The following MYH10 variants were observed in gnomAD, a reference collection of about 807,000 sequenced individuals.
MYH10 encodes the protein myosin heavy chain 10, also known as myosin-10.
MYH10 carries 55 observed loss-of-function variants against 257.8 expected under a neutral mutation model. That is an observed-to-expected ratio of 0.21 (90% CI 0.17 to 0.27). The LOEUF is 0.27. Among genes scored for constraint, MYH10 ranks in the 10% least tolerant of loss-of-function variants. The pLI is 1.00. For synonymous variants in MYH10, 854 were observed against 921.7 expected, an observed-to-expected ratio of 0.93 and a Z score of 1.33; for missense variants, 1,631 against 2,500.6, an observed-to-expected ratio of 0.65 and a Z score of 7.42.
intron 29 of MYH10, among the ~76,000 whole-genome samples, chr17:8,499,688 G>C (rs552531695): frequency 6.6e-6 from 1 of 152,202 alleles, no homozygotes; most frequent in Non-Finnish European, 1.5e-5. Flanking sequence ...AGGAGCAGAT[G>C]CAGATATTTA....
chr17:8,478,327 T>C lies in MYH10; in HGVS notation c.5706+11A>G, dbSNP rs113737301. 20 of 1,612,398 alleles carry C rather than the reference T, an allele frequency of 1.2e-5. No individual in the cohort carries two copies. In the African/African-American group the frequency reaches 1.6e-4, roughly 13 times the overall value. On this transcript the variant is annotated intron_variant, in intron 41 of 42. Coordinates refer to ENST00000360416, the MANE Select transcript of MYH10 (RefSeq NM_001256012.3). ...CTCACGCGCTTCCCAGGGAGGCACT[T>C]CCTCGCGTACCTGCTCTTTATACTG...
chr17:8,552,030 A>G lies in MYH10; in HGVS notation c.919+16T>C. ...ATTCCAGTGAATATAAAATAGTAAA[A>G]ACCTTTGTAACTTACACTTTAGGTG... On this transcript the variant is annotated intron_variant, in intron 9 of 42. Coordinates refer to ENST00000360416, the MANE Select transcript of MYH10 (RefSeq NM_001256012.3). This position sits in a 1 kb window ranked among gnomAD's most constrained non-coding sequence, Gnocchi z 4.8. 7.3e-7 allele frequency: 1 copy of G among 1,365,896 alleles called. No individual in the cohort carries two copies. Among genetic ancestry groups the G allele is most frequent in the Non-Finnish European group, 9.9e-7 (1 of 1,013,140 alleles). The allele number at this position is 1,365,896 out of a possible 1,614,324, so 84.6% of individuals were successfully genotyped here. A position where few individuals can be genotyped will look rare whatever the true frequency, so the allele number is the denominator to read the frequency against.
At chr17:8,530,198 T>C (rs1156694279) in intron 17 of MYH10, among the ~76,000 whole-genome samples, 1 of 152,170 alleles carries the variant, frequency 6.6e-6, no homozygotes, top group African/African-American at 2.4e-5. Flanking sequence ...AAATCCTCCT[T>C]GGAATTCCTC....
In MYH10 at chr17:8,492,517, G is replaced by A; in HGVS notation, c.4459-8C>T. The A allele has an allele frequency of 6.2e-7, 1 of 1,605,972 alleles. No homozygotes were observed. The highest frequency in any genetic ancestry group is 1.1e-5 in the South Asian group (1 of 90,706). ...CTTCTCTTCTGCTAACAGCTGTGCA[G>A]AAGGGGATGGGGGAATACGAAAAAC... On this transcript the variant is annotated splice_region_variant and splice_polypyrimidine_tract_variant and intron_variant, in intron 33 of 42. Transcript: ENST00000360416.
chr17:8,482,184 C>T (rs899068581), intron 37 of MYH10, among the ~76,000 whole-genome samples: 7 of 152,184 alleles, frequency 4.6e-5, no homozygotes, highest in African/African-American at 1.7e-4. Flanking sequence ...GCCCAAAGTC[C>T]CAAGGTTAGT....
intron 23 of MYH10, 55 bp downstream of exon 23, chr17:8,513,483 C>G (rs2081364541): frequency 5.6e-6 from 9 of 1,603,090 alleles, no homozygotes; most frequent in Non-Finnish European, 6.8e-6. Context: ...GCTACCAGTG[C>G]AAGATCTCAT....
In MYH10 at chr17:8,480,522, G is replaced by A. The variant is rs140849976; in HGVS notation, c.5268C>T (p.Ser1756=). Reference sequence around the variant, plus strand: ...GACGCCGCTTCTCATCCAGCAGCGCGGACCTGGCGGGGAGAGGAGGAGGGG... The same window carrying A: ...GACGCCGCTTCTCATCCAGCAGCGCAGACCTGGCGGGGAGAGGAGGAGGGG... The part of the protein sequence containing the change: ...DEITNSASGK[S]ALLDEKRRLE... Residue 1756 remains serine (S), a synonymous_variant, in exon 39 of 43, where the codon TCC becomes TCT. Transcript: ENST00000360416. The A allele has an allele frequency of 9.2e-4, 1,485 of 1,606,976 alleles. 18 individuals carry two copies. In the African/African-American group the frequency reaches 0.016, roughly 17 times the overall value.
intron 16 of MYH10, among the ~76,000 whole-genome samples, chr17:8,533,069 C>T (rs552450593): frequency 2.0e-5 from 3 of 152,154 alleles, no homozygotes; most frequent in Admixed American, 1.3e-4. Flanking sequence ...CAGGAAAAAC[C>T]CCATTTCCTC....
At chr17:8,549,833 C>A (rs2082563725) in intron 9 of MYH10, among the ~76,000 whole-genome samples, 1 of 150,976 alleles carries the variant, frequency 6.6e-6, no homozygotes, top group Non-Finnish European at 1.5e-5. Flanking sequence ...CCAGTGCCTG[C>A]GATTGAAAGC....
chr17:8,479,203 T>C lies in MYH10; in HGVS notation c.5598-757A>G, dbSNP rs187048878. ...TTGATAATTTACTAATTACCTATTG[T>C]GATGTAGAGGGCTTTGGCAGCTCAC... is the stretch of plus-strand genomic sequence containing the variant. On this transcript the variant is annotated intron_variant, in intron 40 of 42. Transcript: ENST00000360416. 8.5e-5 allele frequency among the ~76,000 whole-genome samples: 13 copies of C among 152,276 alleles called. No individual in the cohort carries two copies. The South Asian group carries it at 2.1e-3, about 24-fold the overall frequency.
intron 7 of MYH10, among the ~76,000 whole-genome samples, chr17:8,563,302 T>A (rs571638022): frequency 6.6e-6 from 1 of 152,196 alleles, no homozygotes; most frequent in African/African-American, 2.4e-5. Context: ...AGTGGCCTCA[T>A]TACTTAGTAT....
Position 8,480,510 on chromosome 17 carries a change from A to G in MYH10, c.5280T>C (p.Asp1760=), listed in dbSNP as rs1913542040. ...TCCGAGCTTCCAGACGCCGCTTCTC[A>G]TCCAGCAGCGCGGACCTGGCGGGGA... ...NSASGKSALL[D]EKRRLEARIA... The change falls in exon 39 of 43, where the codon GAT becomes GAC. Residue 1760 remains aspartate, a synonymous_variant. Transcript: ENST00000360416. 2 of 1,609,136 alleles carry G rather than the reference A, an allele frequency of 1.2e-6. No homozygotes were observed. The highest frequency in any genetic ancestry group is 1.7e-6 in the Non-Finnish European group (2 of 1,179,818).
chr17:8,532,015 C>CT (rs1175886568), intron 16 of MYH10, among the ~76,000 whole-genome samples: 2 of 152,296 alleles, frequency 1.3e-5, no homozygotes, highest in African/African-American at 4.8e-5. Context: ...CATGGTACTG[C>CT]TTCTCTGCCT....
intron 25 of MYH10, among the ~76,000 whole-genome samples, chr17:8,509,156 T>A (rs569406655): frequency 6.6e-6 from 1 of 152,340 alleles, no homozygotes; most frequent in East Asian, 1.9e-4. Flanking sequence ...TTTTCTATCA[T>A]ATTTTTACTG....
chr17:8,597,808 C>CG (rs1567960633), intron 3 of MYH10, among the ~76,000 whole-genome samples: 2 of 150,618 alleles, frequency 1.3e-5, no homozygotes, highest in Non-Finnish European at 2.9e-5. Flanking sequence ...TTAGTAGAGA[C>CG]GGGGTTTCAC....
rs1159770801 is a variant in MYH10 at position 8,569,028 on chromosome 17, T to C, written c.756+692A>G. 1.3e-5 allele frequency among the ~76,000 whole-genome samples: 2 copies of C among 149,726 alleles called. No homozygotes were observed. The highest frequency in any genetic ancestry group is 4.3e-4 in the South Asian group (2 of 4,694). ...CAGCCTCCCAAAGTACTGGACAACA[T>C]AGTGAGACCCTAGTCTCTAAAAAAA... On this transcript the variant is annotated intron_variant, in intron 7 of 42. Transcript: ENST00000360416. The surrounding 1 kb of genome is among the most constrained non-coding windows in gnomAD (Gnocchi z 4.1).
At chr17:8,563,261 T>A (rs1373174997) in intron 7 of MYH10, among the ~76,000 whole-genome samples, 1 of 152,236 alleles carries the variant, frequency 6.6e-6, no homozygotes, top group Non-Finnish European at 1.5e-5. Context: ...AGAAGCTTTG[T>A]TGTTAGTAAA....
intron 2 of MYH10, among the ~76,000 whole-genome samples, chr17:8,607,393 T>C (rs1393568088): frequency 1.3e-5 from 2 of 152,226 alleles, no homozygotes; most frequent in African/African-American, 4.8e-5. Flanking sequence ...CATTAGGTAC[T>C]TACCTGAGGA....
chr17:8,577,325 C>A lies in MYH10; in HGVS notation c.544G>T (p.Ala182Ser), dbSNP rs1482799004. 6.2e-7 allele frequency: 1 copy of A among 1,608,602 alleles called. No individual in the cohort carries two copies. Among genetic ancestry groups the A allele is most frequent in the South Asian group, 1.1e-5 (1 of 90,150 alleles). ...QSILCTGESG[A>S]GKTENTKKVI... ...TTCTTTGTATTTTCTGTCTTCCCAG[C>A]ACCTGACTCACCCCTGAAAGAAAGA... The change falls in exon 5 of 43, where the codon GCT becomes TCT. Residue 182 changes from alanine to serine, a missense_variant. Physicochemically the swap from Ala to Ser is moderately conservative, Grantham distance 99. Coordinates refer to ENST00000360416, the MANE Select transcript of MYH10 (RefSeq NM_001256012.3).
Sources: gnomAD v4.1 joint callset for allele counts (sites outside exome capture counted in the v4.1 genomes callset) on GRCh38, gnomAD v4.1.1 for gene constraint, Gnocchi (gnomAD v3.1) non-coding constraint, MANE v1.5 for transcripts, NCBI Gene and HGNC (gene_info 2026-07-23, HGNC 2026-07-21) for gene names.